Variants in STXBP5 observed in about 807,000 individuals in gnomAD.
STXBP5 encodes syntaxin-binding protein 5.
Under a neutral mutation model 152.4 loss-of-function variants are expected in STXBP5, and 50 were observed. The ratio of observed to expected loss-of-function variants is 0.33; its 90% CI spans 0.26 to 0.42. The LOEUF (loss-of-function observed/expected upper bound fraction) is 0.42. STXBP5 is among the 10% of genes least tolerant of loss of function. The probability of loss-of-function intolerance (pLI) is 1.00; values close to 1 mark genes in which losing one functional copy is unlikely to be tolerated. For synonymous variants in STXBP5, 492 were observed against 494.7 expected (o/e 0.99, Z 0.07); for missense variants, 1,167 against 1,388.6 (o/e 0.84, Z 2.54).
chr6:147,316,567 A>G (rs75749024), intron 16 of STXBP5, among the ~76,000 whole-genome samples, 160 bp downstream of exon 16: 3,517 of 152,296 alleles, frequency 0.023, 112 homozygotes, highest in African/African-American at 0.08. Context: ...TCATTTTTCT[A>G]TGACATCAAG....
intron 23 of STXBP5, 135 bp from the exon 24 acceptor site, chr6:147,363,200 T>C: frequency 1.1e-6 from 1 of 921,766 alleles, no homozygotes; most frequent in Non-Finnish European, 1.5e-6. Flanking sequence ...GTCCGAATCC[T>C]GTCAATGAGC....
At chr6:147,205,784 T>G (rs1049903760) in intron 1 of STXBP5, among the ~76,000 whole-genome samples, 187 bp from the exon 2 acceptor site, 1 of 152,216 alleles carries the variant, frequency 6.6e-6, no homozygotes, top group African/African-American at 2.4e-5. Flanking sequence ...GATTTTTGTT[T>G]GTTTCAGGTT....
At chr6:147,289,859 A>G (rs1047616377) in intron 8 of STXBP5, among the ~76,000 whole-genome samples, 1 of 152,184 alleles carries the variant, frequency 6.6e-6, no homozygotes, top group Non-Finnish European at 1.5e-5. Context: ...ATGCCAAACA[A>G]TGTTTGTCAC....
At chr6:147,239,944 CT>C (rs748804277) in intron 4 of STXBP5, among the ~76,000 whole-genome samples, 1,444 of 143,478 alleles carry the variant, frequency 0.01, 8 homozygotes, top group Middle Eastern at 0.029. Flanking sequence ...TTGTGGTACT[CT>C]TTTTTTTTTT....
chr6:147,275,230 A>G (rs542200135), intron 7 of STXBP5, among the ~76,000 whole-genome samples: 1 of 152,256 alleles, frequency 6.6e-6, no homozygotes, highest in African/African-American at 2.4e-5. Flanking sequence ...AAATGAAAAT[A>G]CTGATGTCAG....
intron 22 of STXBP5, among the ~76,000 whole-genome samples, chr6:147,353,906 A>G (rs1357709527): frequency 6.6e-6 from 1 of 152,190 alleles, no homozygotes; most frequent in African/African-American, 2.4e-5. Context: ...ATATATTCAC[A>G]CATTCATTTT....
chr6:147,283,843 T>A (rs182950886), intron 8 of STXBP5, among the ~76,000 whole-genome samples: 182 of 152,278 alleles, frequency 1.2e-3, no homozygotes, highest in African/African-American at 4.2e-3. Context: ...TGTACACTCA[T>A]TTAGGAGGGA....
chr6:147,363,582 G>C lies in STXBP5; in HGVS notation c.2793G>C (p.Gln931His), dbSNP rs767427616. The change falls in exon 24 of 28, where the codon CAG (glutamine) becomes CAC (histidine). Residue 931 changes from glutamine (Q) to histidine (H), a missense_variant. By Grantham distance (24) the Gln-to-His change is conservative. This residue lies in a region of STXBP5 where 833 missense variants were observed against 986.3 expected (regional missense o/e 0.84). Transcript: ENST00000321680. ...KQAKVISLPTQNCAYKQNITE... is the reference protein window; with the variant it reads ...KQAKVISLPTHNCAYKQNITE... Reference sequence around the variant, plus strand: ...CAAAAGTAATCTCACTGCCAACCCAGAACTGTGCTTATAAGCAAAATATTA... The same window carrying C: ...CAAAAGTAATCTCACTGCCAACCCACAACTGTGCTTATAAGCAAAATATTA... The C allele has an allele frequency of 8.1e-6, 13 of 1,614,050 alleles. No individual in the cohort carries two copies. The African/African-American group carries it at 9.3e-5, about 12-fold the overall frequency.
chr6:147,255,405 A>G (rs561991668), intron 4 of STXBP5, among the ~76,000 whole-genome samples: 1 of 152,320 alleles, frequency 6.6e-6, no homozygotes, highest in East Asian at 1.9e-4. Context: ...GCAATCTCCC[A>G]TATTTAAGGA....
At chr6:147,365,022 A>G (rs922630886) in intron 25 of STXBP5, among the ~76,000 whole-genome samples, 2 of 152,192 alleles carry the variant, frequency 1.3e-5, no homozygotes, top group African/African-American at 4.8e-5. Context: ...AAATTAGCAT[A>G]GAAGTGGTAT....
At chr6:147,350,581 A>T (rs1297441447) in intron 21 of STXBP5, among the ~76,000 whole-genome samples, 1 of 152,128 alleles carries the variant, frequency 6.6e-6, no homozygotes, top group Non-Finnish European at 1.5e-5. Context: ...TAAAAGGTTG[A>T]GCTTATTATA....
chr6:147,373,692 C>T (rs780936120), intron 25 of STXBP5, 39 bp from the exon 26 acceptor site: 10 of 1,503,278 alleles, frequency 6.7e-6, no homozygotes, highest in African/African-American at 1.4e-5. Context: ...TTTAGTTTCC[C>T]TGAAATTTCA....
At chr6:147,339,451 A>C in intron 21 of STXBP5, 67 bp downstream of exon 21, 1 of 1,194,282 alleles carries the variant, frequency 8.4e-7, no homozygotes. Flanking sequence ...CAACACCAGA[A>C]TTATCCAGTG....
At chr6:147,375,101 AAT>A (rs1785745618) in intron 26 of STXBP5, among the ~76,000 whole-genome samples, 1 of 152,224 alleles carries the variant, frequency 6.6e-6, no homozygotes, top group Admixed American at 6.5e-5. Flanking sequence ...TAATTTTTCA[AAT>A]ATGTAGTCAT....
intron 19 of STXBP5, among the ~76,000 whole-genome samples, chr6:147,337,932 G>A (rs1366157898): frequency 2.6e-5 from 4 of 152,030 alleles, no homozygotes; most frequent in Non-Finnish European, 4.4e-5. Context: ...GGTTTTACTC[G>A]GTCAGAGAAA....
intron 2 of STXBP5, among the ~76,000 whole-genome samples, chr6:147,213,080 A>G (rs1222054534): frequency 1.3e-5 from 2 of 152,164 alleles, no homozygotes; most frequent in Non-Finnish European, 2.9e-5. Flanking sequence ...AATTGCTAGT[A>G]TGTAATTTGA....
At chr6:147,330,038 T>A (rs1190693600) in intron 18 of STXBP5, among the ~76,000 whole-genome samples, 1 of 152,170 alleles carries the variant, frequency 6.6e-6, no homozygotes, top group East Asian at 1.9e-4. Context: ...AAGACAAAAC[T>A]GTTTAGGCTA....
At chr6:147,230,175 A>G (rs55691000) in intron 2 of STXBP5, among the ~76,000 whole-genome samples, 2,551 of 151,940 alleles carry the variant, frequency 0.017, 61 homozygotes, top group African/African-American at 0.057. Flanking sequence ...CTTTTTAAAG[A>G]TGATTGTTTA....
intron 9 of STXBP5, among the ~76,000 whole-genome samples, chr6:147,301,549 T>G (rs1781815795): frequency 1.3e-5 from 2 of 152,186 alleles, no homozygotes; most frequent in Admixed American, 1.3e-4. Context: ...CCTTAAATGG[T>G]TGATTTTTGC....
Sources: gnomAD v4.1 joint callset for allele counts (sites outside exome capture counted in the v4.1 genomes callset) on GRCh38, gnomAD v4.1.1 for gene constraint, gnomAD v4.1.1 regional missense constraint, MANE v1.5 for transcripts, NCBI Gene and HGNC (gene_info 2026-07-23, HGNC 2026-07-21) for gene names.